The following RD3 variants were observed in gnomAD, a reference collection of about 807,000 sequenced individuals.
RD3 encodes protein RD3.
Under a neutral mutation model 16.9 loss-of-function variants are expected in RD3, and 11 were observed. That is an observed-to-expected ratio of 0.65 (90% CI 0.41 to 1.08). The LOEUF (loss-of-function observed/expected upper bound fraction) is 1.08. Ranked by LOEUF, RD3 falls within the 50% of genes least tolerant of loss-of-function variation. The pLI is 0.00. For missense variants in RD3, 274 were observed against 267.4 expected, an observed-to-expected ratio of 1.02 and a Z score of -0.17; for synonymous variants, 116 against 114.8, an observed-to-expected ratio of 1.01 and a Z score of -0.07.
At chr1:211,483,750 G>A (rs1452098902) in intron 1 of RD3, among the ~76,000 whole-genome samples, 3 of 152,194 alleles carry the variant, frequency 2.0e-5, no homozygotes, top group Non-Finnish European at 4.4e-5. Context: ...CCTCGCCTAA[G>A]GCTAAAGGAT....
In RD3 at chr1:211,478,823, G is replaced by A. The variant is rs745612746; in HGVS notation, c.*213C>T. Reference sequence around the variant, plus strand: ...GACTAGCGCAGGAGAGGGAGAGGGCGGTGCCGCTCTACGACCTAACTCAGC... The same window carrying A: ...GACTAGCGCAGGAGAGGGAGAGGGCAGTGCCGCTCTACGACCTAACTCAGC... On this transcript the variant is annotated 3_prime_UTR_variant, in exon 3 of 3. Coordinates refer to ENST00000680073, the MANE Select transcript of RD3 (RefSeq NM_001164688.2). 208 of 576,524 alleles carry A rather than the reference G, an allele frequency of 3.6e-4. 1 individual carries two copies. The highest frequency in any genetic ancestry group is 5.8e-4 in the Non-Finnish European group (191 of 326,608). 35.7% of individuals were successfully genotyped at this position (576,524 alleles called of 1,614,324 possible). A position where few individuals can be genotyped will look rare whatever the true frequency, so the allele number is the denominator to read the frequency against.
chr1:211,487,992 T>C (rs990187879), intron 1 of RD3, among the ~76,000 whole-genome samples: 2 of 152,220 alleles, frequency 1.3e-5, no homozygotes, highest in African/African-American at 4.8e-5. Flanking sequence ...CTCGGCTGTG[T>C]AAGCAGTGCA....
At chr1:211,482,766 T>C (rs963695278) in intron 1 of RD3, among the ~76,000 whole-genome samples, 1 of 151,874 alleles carries the variant, frequency 6.6e-6, no homozygotes, top group African/African-American at 2.4e-5. Flanking sequence ...TGAAGGGAAA[T>C]GACATTCCCG....
chr1:211,480,142 C>T (rs1705232649), intron 2 of RD3, among the ~76,000 whole-genome samples: 4 of 152,044 alleles, frequency 2.6e-5, no homozygotes. Context: ...CATGACCCAC[C>T]CCCGTCCCCA....
chr1:211,491,159 G>T (rs779922251), intron 1 of RD3, among the ~76,000 whole-genome samples: 1 of 152,128 alleles, frequency 6.6e-6, no homozygotes, highest in Non-Finnish European at 1.5e-5. Flanking sequence ...TTCTAGGCCC[G>T]ATCTCCCTGG....
At chr1:211,489,820 GA>G (rs1180961047) in intron 1 of RD3, among the ~76,000 whole-genome samples, 5 of 152,134 alleles carry the variant, frequency 3.3e-5, no homozygotes, top group East Asian at 1.9e-4. Flanking sequence ...CCTGTTTCAA[GA>G]GAAGGCCCAG....
In RD3 at chr1:211,481,137, A is replaced by G. The variant is rs1462748072; in HGVS notation, c.279T>C (p.Cys93=). The G allele has an allele frequency of 3.7e-6, 6 of 1,614,240 alleles. No individual in the cohort carries two copies. The highest frequency in any genetic ancestry group is 5.1e-6 in the Non-Finnish European group (6 of 1,180,046). The change falls in exon 2 of 3, where the codon TGT becomes TGC. Residue 93 remains cysteine (C), a synonymous_variant. Transcript: ENST00000680073. The part of the protein sequence containing the change: ...DVCVKIHPSY[C]GPAILRFRQL... Reference sequence around the variant, plus strand: ...GTGCTCACCTGAGGATAGCAGGCCCACAATAGGATGGGTGGATCTTAACGC... The same window carrying G: ...GTGCTCACCTGAGGATAGCAGGCCCGCAATAGGATGGGTGGATCTTAACGC...
chr1:211,491,454 G>A (rs925162076), intron 1 of RD3, among the ~76,000 whole-genome samples: 7 of 152,202 alleles, frequency 4.6e-5, no homozygotes, highest in African/African-American at 9.7e-5. Flanking sequence ...GGTCCTCCCC[G>A]AGAGGCTTGC....
chr1:211,486,712 G>C (rs1359512649), intron 1 of RD3, among the ~76,000 whole-genome samples: 1 of 151,636 alleles, frequency 6.6e-6, no homozygotes, highest in Non-Finnish European at 1.5e-5. Context: ...AGCCAGGCAT[G>C]CATGCCTGTA....
At position 211,479,227 on chromosome 1, in the gene RD3, C is replaced by T; in HGVS notation, c.397G>A (p.Glu133Lys). The T allele has an allele frequency of 1.9e-6, 3 of 1,610,026 alleles. No homozygotes were observed. The highest frequency in any genetic ancestry group is 2.5e-6 in the Non-Finnish European group (3 of 1,178,562). ...TGGCGCGTCAGCTTGTGGGCCTCCTCTTCCTGCTTCATCCTCTCCAGGACC... is the reference window on the plus strand; with the variant it reads ...TGGCGCGTCAGCTTGTGGGCCTCCTTTTCCTGCTTCATCCTCTCCAGGACC... The part of the protein sequence containing the change: ...QEVLERMKQE[E>K]EAHKLTRQWS... The change falls in exon 3 of 3, where the codon GAG becomes AAG. Residue 133 changes from glutamate (E) to lysine (K), a missense_variant. By Grantham distance (56) the Glu-to-Lys change is moderately conservative. Transcript: ENST00000680073.
chr1:211,491,693 C>T (rs1439680958), intron 1 of RD3, 75 bp downstream of exon 1: 1 of 152,280 alleles, frequency 6.6e-6, no homozygotes, highest in Admixed American at 6.5e-5. Flanking sequence ...AGCCTCAGCC[C>T]TAACTTCCAA....
chr1:211,486,194 T>C (rs1040851310), intron 1 of RD3, among the ~76,000 whole-genome samples: 5 of 146,918 alleles, frequency 3.4e-5, no homozygotes, highest in African/African-American at 1.3e-4. Flanking sequence ...TTAGGAAAGA[T>C]CCCCTTCTTT....
chr1:211,479,381 A>G, intron 2 of RD3, 54 bp from the exon 3 acceptor site: 1 of 1,528,884 alleles, frequency 6.5e-7, no homozygotes. Flanking sequence ...CGGGTCTGGC[A>G]CCCCGGGCGT....
At chr1:211,490,581 G>A (rs1256164109) in intron 1 of RD3, among the ~76,000 whole-genome samples, 3 of 152,274 alleles carry the variant, frequency 2.0e-5, no homozygotes, top group African/African-American at 7.2e-5. Flanking sequence ...GGGGCAGAGA[G>A]TAGGTGCTTC....
Position 211,478,326 on chromosome 1 carries a change from A to G in RD3, c.*710T>C. 2.5e-6 allele frequency: 1 copy of G among 396,964 alleles called. No homozygotes were observed. Among genetic ancestry groups the G allele is most frequent in the Non-Finnish European group, 4.4e-6 (1 of 225,584 alleles). The allele number at this position is 396,964 out of a possible 1,614,324, so 24.6% of individuals were successfully genotyped here. A position where few individuals can be genotyped will look rare whatever the true frequency, so the allele number is the denominator to read the frequency against. On this transcript the variant is annotated 3_prime_UTR_variant, in exon 3 of 3. Coordinates refer to ENST00000680073, the MANE Select transcript of RD3 (RefSeq NM_001164688.2). ...GATGGATCAGGCCACAGGTAGGTAG[A>G]GATGTAGCCTTTGGACCTGTCCCTT... is the stretch of plus-strand genomic sequence containing the variant.
chr1:211,486,898 A>G (rs1471721327), intron 1 of RD3, among the ~76,000 whole-genome samples: 1 of 152,226 alleles, frequency 6.6e-6, no homozygotes. Context: ...CAATAGCTCA[A>G]TCTTAGGAGG....
chr1:211,487,382 C>T (rs1171396502), intron 1 of RD3, among the ~76,000 whole-genome samples: 2 of 152,156 alleles, frequency 1.3e-5, no homozygotes, highest in African/African-American at 2.4e-5. Flanking sequence ...TCCCCATGTA[C>T]GCGTTTGTGA....
At chr1:211,489,632 AATTTACTTTTATGCAT>A (rs1278279850) in intron 1 of RD3, among the ~76,000 whole-genome samples, 3 of 149,746 alleles carry the variant, frequency 2.0e-5, no homozygotes, top group African/African-American at 7.4e-5. Flanking sequence ...TACCCCAGTG[AATTTACTTTTATGCAT>A]TTAGAAGCAT....
chr1:211,491,353 A>G (rs866887462), intron 1 of RD3, among the ~76,000 whole-genome samples: 31 of 152,228 alleles, frequency 2.0e-4, no homozygotes, highest in African/African-American at 7.5e-4. Flanking sequence ...ACAGTTCGCA[A>G]ACCCATGCAA....
Sources: allele counts gnomAD v4.1 joint callset (sites outside exome capture counted in the v4.1 genomes callset), GRCh38; gene constraint gnomAD v4.1.1; transcripts MANE v1.5; gene names NCBI Gene and HGNC (gene_info 2026-07-23, HGNC 2026-07-21).